ADK: variants seen among roughly 807,000 people sequenced by gnomAD.
The protein encoded by ADK is N6,N6-dimethyladenosine kinase.
ADK carries 24 observed loss-of-function variants against 44.7 expected under a neutral mutation model. The ratio of observed to expected loss-of-function variants is 0.54; its 90% CI spans 0.39 to 0.76. The LOEUF (loss-of-function observed/expected upper bound fraction) is 0.76. Among genes scored for constraint, ADK ranks in the 30% least tolerant of loss-of-function variants. ADK has a pLI of 0.00. For synonymous variants in ADK, 128 were observed against 142.6 expected (o/e 0.90, Z 0.73); for missense variants, 321 against 425.1 (o/e 0.76, Z 2.15).
intron 1 of ADK, chr10:74,176,937 C>T: frequency 2.5e-6 from 4 of 1,604,798 alleles, no homozygotes; most frequent in Non-Finnish European, 3.4e-6. Context: ...GTTAGCCTCC[C>T]GAGCGCGTGA....
chr10:74,593,729 T>G (rs1196393940), intron 8 of ADK, among the ~76,000 whole-genome samples: 2 of 152,196 alleles, frequency 1.3e-5, no homozygotes, highest in Non-Finnish European at 2.9e-5. Flanking sequence ...TGACTCAATG[T>G]GTGGAAACAC....
intron 8 of ADK, among the ~76,000 whole-genome samples, chr10:74,598,016 A>T (rs967171981): frequency 6.6e-6 from 1 of 152,148 alleles, no homozygotes; most frequent in Non-Finnish European, 1.5e-5. Context: ...TTGCCCACTA[A>T]TCTTAGCATA....
At chr10:74,326,431 C>CAA (rs34807188) in intron 4 of ADK, among the ~76,000 whole-genome samples, 4 of 129,876 alleles carry the variant, frequency 3.1e-5, no homozygotes, top group Admixed American at 7.7e-5. Context: ...CTTGTTTCTA[C>CAA]AAAAAAAAAA....
chr10:74,218,892 C>T (rs952258496), intron 2 of ADK, among the ~76,000 whole-genome samples: 22 of 152,046 alleles, frequency 1.4e-4, no homozygotes, highest in Admixed American at 2.6e-4. Flanking sequence ...AAGGAACAAC[C>T]GGTACCAGCT....
chr10:74,622,285 A>T (rs545833581), intron 9 of ADK, among the ~76,000 whole-genome samples: 1 of 152,074 alleles, frequency 6.6e-6, no homozygotes, highest in South Asian at 2.1e-4. Flanking sequence ...TCAGCCTCTT[A>T]CCCGACACAG....
In ADK at chr10:74,314,731, A is replaced by G. The variant is rs201734294; in HGVS notation, c.259A>G (p.Ile87Val). The change falls in exon 4 of 11, where the codon ATT becomes GTT. Residue 87 changes from isoleucine (I) to valine (V), a missense_variant. Transcript: ENST00000539909. ...YHAGGSTQNS[I>V]KVAQWMIQQP... ...TGCTGGTGGCTCTACCCAGAATTCA[A>G]TTAAAGTGGCTCAGGTTGGTTAATT... 41 of 1,611,700 alleles carry G rather than the reference A, an allele frequency of 2.5e-5. No individual in the cohort carries two copies. Among genetic ancestry groups the G allele is most frequent in the Non-Finnish European group, 3.1e-5 (37 of 1,178,218 alleles).
chr10:74,649,502 GT>G (rs1854182451), intron 9 of ADK, among the ~76,000 whole-genome samples: 1 of 152,000 alleles, frequency 6.6e-6, no homozygotes, highest in Admixed American at 6.6e-5. Flanking sequence ...GCAAGCACCT[GT>G]CATCCTAGGT....
chr10:74,605,409 A>G lies in ADK; in HGVS notation c.877+4916A>G, dbSNP rs1021042178. ...CATAAATAGTTCGTATTATTTTAAGATATGTTCCATCAATACCTAGTTTTT... is the reference window on the plus strand; with the variant it reads ...CATAAATAGTTCGTATTATTTTAAGGTATGTTCCATCAATACCTAGTTTTT... On this transcript the variant is annotated intron_variant, in intron 9 of 10. Transcript: ENST00000539909. Among the ~76,000 whole-genome samples the G allele has an allele frequency of 3.3e-5, 5 of 152,142 alleles. 1 individual carries two copies. The highest frequency in any genetic ancestry group is 7.3e-5 in the Non-Finnish European group (5 of 68,032).
chr10:74,461,340 G>T (rs1399900454), intron 6 of ADK, among the ~76,000 whole-genome samples: 5 of 152,014 alleles, frequency 3.3e-5, no homozygotes, highest in Non-Finnish European at 7.4e-5. Flanking sequence ...TGAATGGCTT[G>T]TGTAGCCTAA....
chr10:74,188,287 T>G (rs1371378216), intron 1 of ADK, among the ~76,000 whole-genome samples: 1 of 151,914 alleles, frequency 6.6e-6, no homozygotes, highest in Non-Finnish European at 1.5e-5. Context: ...GCAATTAATC[T>G]TTTCAAAAAC....
intron 6 of ADK, among the ~76,000 whole-genome samples, chr10:74,499,046 T>A (rs907949024): frequency 2.6e-5 from 4 of 152,140 alleles, no homozygotes; most frequent in African/African-American, 9.7e-5. Flanking sequence ...CTGACATGTA[T>A]TGATTTGTTG....
chr10:74,414,721 A>C (rs1312226531), intron 6 of ADK, among the ~76,000 whole-genome samples: 1 of 152,192 alleles, frequency 6.6e-6, no homozygotes, highest in Non-Finnish European at 1.5e-5. Flanking sequence ...AAAAAAAAAG[A>C]AAAGAAAGAA....
At chr10:74,487,347 C>T (rs11001053) in intron 6 of ADK, among the ~76,000 whole-genome samples, 109,661 of 151,710 alleles carry the variant, frequency 0.72, 40,371 homozygotes, top group Middle Eastern at 0.86. Flanking sequence ...CTAAGAAATA[C>T]AGCACTTACA....
chr10:74,655,949 G>A (rs1004517093), intron 9 of ADK: 6 of 699,290 alleles, frequency 8.6e-6, no homozygotes, highest in African/African-American at 7.0e-5. Flanking sequence ...CCGAAAGGGT[G>A]CAACTCCTCC....
intron 3 of ADK, among the ~76,000 whole-genome samples, chr10:74,298,762 A>G (rs965314076): frequency 1.2e-5 from 1 of 82,212 alleles, no homozygotes; most frequent in Non-Finnish European, 3.4e-5. Flanking sequence ...CCCCCAAAAA[A>G]ACAAAAACAA....
chr10:74,662,951 G>A (rs546241987), intron 9 of ADK, among the ~76,000 whole-genome samples: 2 of 152,098 alleles, frequency 1.3e-5, no homozygotes, highest in South Asian at 2.1e-4. Context: ...AAATTAGGCC[G>A]GGCATGGTAG....
chr10:74,590,465 A>G (rs1046500114), intron 8 of ADK, among the ~76,000 whole-genome samples: 2 of 152,158 alleles, frequency 1.3e-5, no homozygotes, highest in Non-Finnish European at 2.9e-5. Context: ...TCATGTCATC[A>G]GACTTGACAA....
intron 9 of ADK, among the ~76,000 whole-genome samples, chr10:74,615,273 A>G (rs533010923): frequency 3.3e-5 from 5 of 152,144 alleles, no homozygotes; most frequent in African/African-American, 1.2e-4. Flanking sequence ...TCATCCACTC[A>G]TTATGGTTAC....
At chr10:74,316,363 T>C (rs570961229) in intron 4 of ADK, among the ~76,000 whole-genome samples, 24 of 152,330 alleles carry the variant, frequency 1.6e-4, no homozygotes, top group Non-Finnish European at 2.9e-4. Flanking sequence ...GGTTAGGCTT[T>C]GTGTCCCCAC....
Sources: allele counts gnomAD v4.1 joint callset (sites outside exome capture counted in the v4.1 genomes callset), GRCh38; gene constraint gnomAD v4.1.1; transcripts MANE v1.5; gene names NCBI Gene and HGNC (gene_info 2026-07-23, HGNC 2026-07-21).